TNS1: variants seen among roughly 807,000 people sequenced by gnomAD.
TNS1 encodes the protein tensin-1.
TNS1 carries 62 observed loss-of-function variants against 168.6 expected under a neutral mutation model. The observed-to-expected ratio is 0.37, with a 90% CI of 0.30 to 0.45. TNS1 has a LOEUF of 0.45. Among genes scored for constraint, TNS1 ranks in the 20% least tolerant of loss-of-function variants. The pLI is 1.00. For missense variants in TNS1, 2,240 were observed against 2,339.4 expected (o/e 0.96, Z 0.88); for synonymous variants, 934 against 933.2 (o/e 1.00, Z -0.02).
At chr2:217,811,132 A>G (rs1206855923) in intron 28 of TNS1, among the ~76,000 whole-genome samples, 1 of 152,174 alleles carries the variant, frequency 6.6e-6, no homozygotes, top group Non-Finnish European at 1.5e-5. Context: ...CTTCCACCTC[A>G]GCCTCCCAAA....
At chr2:217,883,250 A>G (rs1313302488) in intron 16 of TNS1, among the ~76,000 whole-genome samples, 2 of 152,094 alleles carry the variant, frequency 1.3e-5, no homozygotes, top group African/African-American at 4.8e-5. Context: ...TTTAAATAAG[A>G]TAGTTAAGCC....
chr2:217,946,965 T>TCACA (rs1434475994), intron 3 of TNS1, among the ~76,000 whole-genome samples: 179 of 130,642 alleles, frequency 1.4e-3, no homozygotes, highest in African/African-American at 5.0e-3. Context: ...TCTCTCTCTC[T>TCACA]CTCTCACACA....
chr2:217,813,952 A>G lies in TNS1; in HGVS notation c.4730-136T>C. The stretch of plus-strand genomic sequence containing the variant: ...TTTTCTTTAAAGTTAAAATTTAACT[A>G]CTCCTACGGGTCTTCCTGTACTCAG... On this transcript the variant is annotated intron_variant, in intron 25 of 32. Coordinates refer to ENST00000682258, the MANE Select transcript of TNS1 (RefSeq NM_001387777.1). The surrounding 1 kb of genome is among the most constrained non-coding windows in gnomAD (Gnocchi z 4.0). 2 of 1,089,968 alleles carry G rather than the reference A, an allele frequency of 1.8e-6. No individual in the cohort carries two copies. The highest frequency in any genetic ancestry group is 1.2e-6 in the Non-Finnish European group (1 of 807,646). The allele number at this position is 1,089,968 out of a possible 1,614,324, so 67.5% of individuals were successfully genotyped here. A position where few individuals can be genotyped will look rare whatever the true frequency, so the allele number is the denominator to read the frequency against.
In TNS1 at chr2:217,915,766, G is replaced by A. The variant is rs186044498; in HGVS notation, c.228+4429C>T. On this transcript the variant is annotated intron_variant, in intron 4 of 32. Transcript: ENST00000682258. ...ACTCCTGACCCAGCCCTGCCACTGCGAGCTGTGTGACCATGAACAAGGCAC... is the reference window on the plus strand; with the variant it reads ...ACTCCTGACCCAGCCCTGCCACTGCAAGCTGTGTGACCATGAACAAGGCAC... Among the ~76,000 whole-genome samples the A allele has an allele frequency of 2.6e-4, 40 of 152,330 alleles. No homozygotes were observed. The East Asian group carries it at 5.2e-3, about 20-fold the overall frequency.
At chr2:217,879,435 G>T (rs1459734196) in intron 18 of TNS1, 4 of 454,806 alleles carry the variant, frequency 8.8e-6, no homozygotes. Flanking sequence ...CGGGGATGGA[G>T]GAGTGCTTTT....
intron 18 of TNS1, among the ~76,000 whole-genome samples, chr2:217,852,344 C>T (rs1300148471): frequency 5.3e-5 from 8 of 152,100 alleles, no homozygotes; most frequent in African/African-American, 1.7e-4. Context: ...AGGGCACCCC[C>T]TCTGCCACCT....
chr2:218,014,955 C>T (rs1574481682), upstream of TNS1, among the ~76,000 whole-genome samples: 1 of 150,790 alleles, frequency 6.6e-6, no homozygotes, highest in Non-Finnish European at 1.5e-5. Flanking sequence ...CAGGCAAGGC[C>T]AAGCCATTTC....
chr2:217,917,557 C>T (rs866816084), intron 4 of TNS1, among the ~76,000 whole-genome samples: 4 of 151,914 alleles, frequency 2.6e-5, no homozygotes, highest in Middle Eastern at 3.2e-3. Flanking sequence ...CGGCCGGGCG[C>T]GCAGTAGCTC....
chr2:218,030,791 G>A (rs1162352121), intron 1 of TNS1, among the ~76,000 whole-genome samples: 1 of 152,228 alleles, frequency 6.6e-6, no homozygotes, highest in African/African-American at 2.4e-5. Flanking sequence ...ATAAATCAGG[G>A]CTATAGTGGG....
At chr2:217,939,701 C>G (rs1559377407) in intron 3 of TNS1, among the ~76,000 whole-genome samples, 2 of 152,202 alleles carry the variant, frequency 1.3e-5, no homozygotes, top group Non-Finnish European at 2.9e-5. Context: ...CCTCCTGTCT[C>G]CCACACCCAG....
intron 1 of TNS1, among the ~76,000 whole-genome samples, chr2:217,996,080 G>T (rs897539494): frequency 2.6e-5 from 4 of 152,122 alleles, no homozygotes; most frequent in Admixed American, 2.0e-4. Flanking sequence ...GCCCCGTGGG[G>T]GCAGAGCAGC....
chr2:217,982,987 C>CCCACCA (rs1018195219), intron 2 of TNS1, among the ~76,000 whole-genome samples: 4 of 152,138 alleles, frequency 2.6e-5, no homozygotes, highest in Non-Finnish European at 5.9e-5. Context: ...TAAGACACCC[C>CCCACCA]CCACCACCAA....
chr2:217,813,130 A>T lies in TNS1; in HGVS notation c.4954+85T>A. ...TGACTGGCAGAGCCTGTCAGAAAGA[A>T]CTTGGGGTCAGACCCCTGGAGGAAC... is the stretch of plus-strand genomic sequence containing the variant. On this transcript the variant is annotated intron_variant, in intron 27 of 32. Coordinates refer to ENST00000682258, the MANE Select transcript of TNS1 (RefSeq NM_001387777.1). The surrounding 1 kb of genome is among the most constrained non-coding windows in gnomAD (Gnocchi z 4.0). The T allele has an allele frequency of 1.1e-6, 1 of 927,574 alleles. No individual in the cohort carries two copies. The highest frequency in any genetic ancestry group is 1.4e-5 in the South Asian group (1 of 70,198). 57.5% of individuals were successfully genotyped at this position (927,574 alleles called of 1,614,324 possible).
In TNS1 at chr2:217,877,280, A is replaced by G. The variant is rs369733281; in HGVS notation, c.1429+3618T>C. Among the ~76,000 whole-genome samples, 75 of 152,288 alleles carry G rather than the reference A, an allele frequency of 4.9e-4. 1 individual carries two copies. Among genetic ancestry groups the G allele is most frequent in the Admixed American group, 2.8e-3 (43 of 15,296 alleles). On this transcript the variant is annotated intron_variant, in intron 18 of 32. Coordinates refer to ENST00000682258, the MANE Select transcript of TNS1 (RefSeq NM_001387777.1). ...TCATTAGGGCTTCAGAAATGGGACG[A>G]CCATCCTGAAGGAGCCACCTGAAGG... is the stretch of plus-strand genomic sequence containing the variant.
chr2:218,028,681 T>C (rs1326090265), intron 1 of TNS1, among the ~76,000 whole-genome samples: 1 of 152,150 alleles, frequency 6.6e-6, no homozygotes, highest in East Asian at 1.9e-4. Flanking sequence ...TCCCCTATCC[T>C]TGGGGTAGAT....
At chr2:217,969,625 C>T (rs1957729837) in intron 3 of TNS1, among the ~76,000 whole-genome samples, 1 of 152,066 alleles carries the variant, frequency 6.6e-6, no homozygotes, top group Non-Finnish European at 1.5e-5. Context: ...TGAACAATGT[C>T]AATAAACATT....
chr2:217,884,814 G>A (rs2125670379), intron 16 of TNS1, among the ~76,000 whole-genome samples: 1 of 152,330 alleles, frequency 6.6e-6, no homozygotes, highest in African/African-American at 2.4e-5. Context: ...CCCAAGGACT[G>A]GGAGGAGTTT....
chr2:217,851,024 G>T (rs1431624507), intron 18 of TNS1, among the ~76,000 whole-genome samples: 1 of 152,112 alleles, frequency 6.6e-6, no homozygotes, highest in Admixed American at 6.6e-5. Flanking sequence ...CCATTTATGT[G>T]CCAACAATGC....
chr2:218,006,377 G>A (rs796979705), upstream of TNS1, among the ~76,000 whole-genome samples: 23 of 152,292 alleles, frequency 1.5e-4, no homozygotes, highest in African/African-American at 4.3e-4. Flanking sequence ...GCGATGACAC[G>A]AGTTTCCCAG....
Sources: gnomAD v4.1 joint callset for allele counts (sites outside exome capture counted in the v4.1 genomes callset) on GRCh38, gnomAD v4.1.1 for gene constraint, Gnocchi (gnomAD v3.1) non-coding constraint, MANE v1.5 for transcripts, NCBI Gene and HGNC (gene_info 2026-07-23, HGNC 2026-07-21) for gene names.